The following PRORP variants were observed in gnomAD, a reference collection of about 807,000 sequenced individuals.
PRORP encodes the protein protein only RNase P catalytic subunit.
In PRORP, 51 loss-of-function variants were observed where a neutral mutation model predicts 59.4. The ratio of observed to expected loss-of-function variants is 0.86; its 90% CI spans 0.69 to 1.08. The LOEUF (loss-of-function observed/expected upper bound fraction) is 1.08. PRORP is among the 50% of genes least tolerant of loss of function. The probability of loss-of-function intolerance (pLI) is 0.00; values close to 1 mark genes in which losing one functional copy is unlikely to be tolerated. For synonymous variants in PRORP, 231 were observed against 245.6 expected (o/e 0.94, Z 0.55); for missense variants, 646 against 690.3 (o/e 0.94, Z 0.72).
chr14:35,230,126 C>G lies in PRORP; in HGVS notation c.1276-36601C>G, dbSNP rs1382140687. On this transcript the variant is annotated intron_variant, in intron 5 of 7. Transcript: ENST00000534898. ...GGAGTGCAGTGGTGCAATCTCTGCT[C>G]ACTGCAACCTCTGCCTCCCAGGTTC... Among the ~76,000 whole-genome samples, 3 of 146,784 alleles carry G rather than the reference C, an allele frequency of 2.0e-5. No homozygotes were observed. In the East Asian group the frequency reaches 6.0e-4, roughly 29 times the overall value.
chr14:35,184,990 G>T (rs1379124575), intron 5 of PRORP, among the ~76,000 whole-genome samples: 1 of 152,076 alleles, frequency 6.6e-6, no homozygotes, highest in East Asian at 1.9e-4. Flanking sequence ...ACATTCATTT[G>T]CATGTGTTTT....
At chr14:35,172,413 T>TCTCC (rs1468309514) in intron 4 of PRORP, among the ~76,000 whole-genome samples, 1 of 77,548 alleles carries the variant, frequency 1.3e-5, no homozygotes, top group African/African-American at 4.8e-5. Context: ...GGTTTCTTTC[T>TCTCC]TTCCTTCCTT....
chr14:35,172,052 ATTTTTT>A (rs149889091), intron 4 of PRORP, among the ~76,000 whole-genome samples: 4 of 140,714 alleles, frequency 2.8e-5, no homozygotes, highest in Non-Finnish European at 4.6e-5. Flanking sequence ...TTTACTTCTA[ATTTTTT>A]TTTTTTTTGA....
intron 5 of PRORP, among the ~76,000 whole-genome samples, chr14:35,256,565 C>T (rs1231357167): frequency 3.3e-5 from 5 of 151,734 alleles, no homozygotes; most frequent in South Asian, 4.2e-4. Flanking sequence ...CTCCTGACCT[C>T]GTGATCCGCC....
At chr14:35,132,508 C>A (rs973899137) in intron 4 of PRORP, among the ~76,000 whole-genome samples, 13 of 146,508 alleles carry the variant, frequency 8.9e-5, no homozygotes, top group African/African-American at 3.0e-4. Context: ...TTCGTCCAGG[C>A]ATTGTGGCTC....
At chr14:35,131,388 T>G (rs1364127660) in intron 4 of PRORP, among the ~76,000 whole-genome samples, 2 of 152,228 alleles carry the variant, frequency 1.3e-5, no homozygotes, top group African/African-American at 4.8e-5. Context: ...TATACTATTC[T>G]GGGGTAAAAG....
At position 35,234,401 on chromosome 14, in the gene PRORP, A is replaced by G. The variant is rs147194164; in HGVS notation, c.1276-32326A>G. Among the ~76,000 whole-genome samples, 278 of 152,268 alleles carry G rather than the reference A, an allele frequency of 1.8e-3. 2 individuals carry two copies. The highest frequency in any genetic ancestry group is 6.4e-3 in the African/African-American group (264 of 41,536). ...TCAACATTAGGTATGAACTGCACCA[A>G]CTTTCCTCTTTAAGATAGCTTTGTT... On this transcript the variant is annotated intron_variant, in intron 5 of 7. Transcript: ENST00000534898.
intron 5 of PRORP, among the ~76,000 whole-genome samples, chr14:35,219,534 A>T (rs1006787744): frequency 2.6e-5 from 4 of 152,208 alleles, no homozygotes; most frequent in African/African-American, 9.6e-5. Context: ...TTTGGTGGCC[A>T]CTCAAAAAGC....
In PRORP at chr14:35,123,589, C is replaced by T; in HGVS notation, c.344C>T (p.Pro115Leu). 1 of 1,614,100 alleles carries T rather than the reference C, an allele frequency of 6.2e-7. No individual in the cohort carries two copies. The highest frequency in any genetic ancestry group is 1.3e-5 in the African/African-American group (1 of 75,000). The change falls in exon 2 of 8, where the codon CCA (proline) becomes CTA (leucine). Residue 115 changes from proline to leucine, a missense_variant. Transcript: ENST00000534898. ...CCTGTGAGGAACACTATTCAACTCC[C>T]AACACAACCTTTGAATTCAGAGGAG... ...LAPVRNTIQLPTQPLNSEEWD... is the reference protein window; with the variant it reads ...LAPVRNTIQLLTQPLNSEEWD...
chr14:35,216,227 C>G (rs1048792563), intron 5 of PRORP, among the ~76,000 whole-genome samples: 1 of 148,436 alleles, frequency 6.7e-6, no homozygotes, highest in Admixed American at 6.8e-5. Flanking sequence ...TCAACTTCTT[C>G]CCATAAAATT....
At chr14:35,134,897 T>G (rs1228731866) in intron 4 of PRORP, among the ~76,000 whole-genome samples, 1 of 152,166 alleles carries the variant, frequency 6.6e-6, no homozygotes, top group Non-Finnish European at 1.5e-5. Flanking sequence ...CTTTCAAATT[T>G]ATTTACGGGC....
chr14:35,264,580 A>G lies in PRORP; in HGVS notation c.1276-2147A>G, dbSNP rs149025687. 2.6e-5 allele frequency among the ~76,000 whole-genome samples: 4 copies of G among 152,292 alleles called. No individual in the cohort carries two copies. The East Asian group carries it at 7.7e-4, about 29-fold the overall frequency. On this transcript the variant is annotated intron_variant, in intron 5 of 7. Coordinates refer to ENST00000534898, the MANE Select transcript of PRORP (RefSeq NM_014672.4). ...GCCCATTCTATGTCTTAATTATAGAACTAATAATTAGGGATAAAAAAGCCA... is the reference window on the plus strand; with the variant it reads ...GCCCATTCTATGTCTTAATTATAGAGCTAATAATTAGGGATAAAAAAGCCA...
chr14:35,153,982 A>G (rs954635211), intron 4 of PRORP, among the ~76,000 whole-genome samples: 5 of 152,238 alleles, frequency 3.3e-5, no homozygotes, highest in African/African-American at 1.2e-4. Context: ...AACTTAACAT[A>G]TATCTTTATA....
At chr14:35,224,853 TAGCTCTTGTTTG>T (rs1566508730) in intron 5 of PRORP, among the ~76,000 whole-genome samples, 1 of 152,216 alleles carries the variant, frequency 6.6e-6, no homozygotes, top group Non-Finnish European at 1.5e-5. Context: ...AGTTGGTGTC[TAGCTCTTGTTTG>T]TGTATATTTG....
chr14:35,220,084 G>T (rs538078760), intron 5 of PRORP, among the ~76,000 whole-genome samples: 3 of 152,226 alleles, frequency 2.0e-5, no homozygotes, highest in African/African-American at 7.2e-5. Flanking sequence ...GATTGTATTT[G>T]AAAAGATCCT....
At chr14:35,134,322 C>T (rs1435859368) in intron 4 of PRORP, among the ~76,000 whole-genome samples, 2 of 152,218 alleles carry the variant, frequency 1.3e-5, no homozygotes, top group Non-Finnish European at 2.9e-5. Flanking sequence ...GGCCGAAAGG[C>T]TCTTCAGTCA....
intron 4 of PRORP, among the ~76,000 whole-genome samples, chr14:35,149,331 A>G (rs985889627): frequency 6.6e-6 from 1 of 151,448 alleles, no homozygotes; most frequent in African/African-American, 2.4e-5. Context: ...CCTCCCATCT[A>G]GGCCTCCCAA....
intron 5 of PRORP, among the ~76,000 whole-genome samples, chr14:35,227,314 G>A (rs2049959554): frequency 6.6e-6 from 1 of 151,716 alleles, no homozygotes; most frequent in African/African-American, 2.4e-5. Context: ...CGTGGTGGCA[G>A]GCGCCTGTAG....
At chr14:35,196,756 C>A (rs2049019188) in intron 5 of PRORP, among the ~76,000 whole-genome samples, 1 of 152,104 alleles carries the variant, frequency 6.6e-6, no homozygotes, top group South Asian at 2.1e-4. Context: ...CTGACTACTT[C>A]CTTTTGTCAT....
Sources: allele counts gnomAD v4.1 joint callset (sites outside exome capture counted in the v4.1 genomes callset), GRCh38; gene constraint gnomAD v4.1.1; transcripts MANE v1.5; gene names NCBI Gene and HGNC (gene_info 2026-07-23, HGNC 2026-07-21).